SNX19: variants seen among roughly 807,000 people sequenced by gnomAD.
SNX19 encodes sorting nexin-19.
Under a neutral mutation model 85.2 loss-of-function variants are expected in SNX19, and 60 were observed. The observed-to-expected ratio is 0.70, with a 90% CI of 0.57 to 0.87. The LOEUF (loss-of-function observed/expected upper bound fraction) is 0.87. Ranked by LOEUF, SNX19 falls within the 40% of genes least tolerant of loss-of-function variation. SNX19 has a pLI of 0.00. For missense variants in SNX19, 1,201 were observed against 1,217.8 expected (o/e 0.99, Z 0.21); for synonymous variants, 520 against 470.0 (o/e 1.11, Z -1.38).
rs1203737305 is a variant in SNX19, at chr11:130,869,571, C to A, written c.*8851G>T. The A allele has an allele frequency of 3.9e-5, 6 of 152,148 alleles. No individual in the cohort carries two copies. The highest frequency in any genetic ancestry group is 5.9e-5 in the Non-Finnish European group (4 of 68,022). The allele number at this position is 152,148 out of a possible 1,614,324, so 9.4% of individuals were successfully genotyped here. On this transcript the variant is annotated 3_prime_UTR_variant, in exon 11 of 11. Transcript: ENST00000265909. ...AACAGATTTTCCACAGAAAGCTCAA[C>A]AAGTCACTAAACTTTCTGAGTCTCA...
intron 8 of SNX19, among the ~76,000 whole-genome samples, chr11:130,886,378 T>C (rs1944070407): frequency 6.6e-6 from 1 of 152,178 alleles, no homozygotes; most frequent in East Asian, 1.9e-4. Context: ...CAACGTACAA[T>C]GCATTTTTTA....
At chr11:130,889,355 C>G (rs1041716469) in intron 8 of SNX19, among the ~76,000 whole-genome samples, 4 of 152,056 alleles carry the variant, frequency 2.6e-5, no homozygotes, top group Non-Finnish European at 4.4e-5. Flanking sequence ...TTCATTTACT[C>G]AAAGCATTGG....
chr11:130,901,322 T>C (rs1268398158), intron 8 of SNX19, among the ~76,000 whole-genome samples: 1 of 152,068 alleles, frequency 6.6e-6, no homozygotes. Context: ...AGTATTATTA[T>C]CAAAACTTTG....
chr11:130,903,687 GTATA>G (rs2135381707), intron 7 of SNX19, among the ~76,000 whole-genome samples: 2 of 143,326 alleles, frequency 1.4e-5, no homozygotes, highest in Non-Finnish European at 3.0e-5. Context: ...ATATATGTGT[GTATA>G]TATACATATA....
At position 130,875,945 on chromosome 11, in the gene SNX19, CTG is replaced by C. The variant is rs1169894921; in HGVS notation, c.*2475_*2476del. 5 of 152,088 alleles carry C rather than the reference CTG, an allele frequency of 3.3e-5. No individual in the cohort carries two copies. The highest frequency in any genetic ancestry group is 2.1e-4 in the South Asian group (1 of 4,828). The allele number at this position is 152,088 out of a possible 1,614,324, so 9.4% of individuals were successfully genotyped here. ...CTAATCCAACAATGCAAAAATGAAA[CTG>C]TGAGTTATATGTGATGAAAAAGTAT... On this transcript the variant is annotated 3_prime_UTR_variant, in exon 11 of 11. Transcript: ENST00000265909.
At chr11:130,913,367 T>A (rs912534622) in intron 1 of SNX19, among the ~76,000 whole-genome samples, 2 of 152,238 alleles carry the variant, frequency 1.3e-5, no homozygotes, top group Non-Finnish European at 2.9e-5. Context: ...TTGCCTATAA[T>A]GAGTGTGTGT....
chr11:130,911,906 A>T lies in SNX19; in HGVS notation c.1675-135T>A, dbSNP rs1946160515. Reference sequence around the variant, plus strand: ...GAACAAAGGGAGGGAGTATGTTCCTATTCTGTTCCAGAACCTCCTATATCT... The same window carrying T: ...GAACAAAGGGAGGGAGTATGTTCCTTTTCTGTTCCAGAACCTCCTATATCT... On this transcript the variant is annotated intron_variant, in intron 1 of 10. Coordinates refer to ENST00000265909, the MANE Select transcript of SNX19 (RefSeq NM_014758.3). The T allele has an allele frequency of 7.2e-6, 6 of 830,980 alleles. No homozygotes were observed. The East Asian group carries it at 1.6e-4, about 22-fold the overall frequency. 51.5% of individuals were successfully genotyped at this position (830,980 alleles called of 1,614,324 possible).
intron 6 of SNX19, 35 bp downstream of exon 6, chr11:130,906,590 T>C (rs1945688759): frequency 6.2e-6 from 9 of 1,445,670 alleles, no homozygotes; most frequent in Non-Finnish European, 1.9e-6. Flanking sequence ...ATCTCAGATA[T>C]TTTTGCCTCA....
intron 8 of SNX19, among the ~76,000 whole-genome samples, chr11:130,889,550 C>G (rs570864752): frequency 1.3e-5 from 2 of 151,812 alleles, no homozygotes; most frequent in Non-Finnish European, 2.9e-5. Flanking sequence ...TACCTTCAGG[C>G]GTGAATTTTA....
At chr11:130,910,167 A>G (rs781562088) in intron 3 of SNX19, 30 bp from the exon 4 acceptor site, 4 of 1,613,990 alleles carry the variant, frequency 2.5e-6, no homozygotes, top group East Asian at 2.2e-5. Context: ...ACACATTTTA[A>G]AGAGAAATTC....
At chr11:130,908,184 GA>G (rs1439077876) in intron 4 of SNX19, 101 bp from the exon 5 acceptor site, 8 of 1,380,300 alleles carry the variant, frequency 5.8e-6, no homozygotes, top group Non-Finnish European at 7.9e-6. Flanking sequence ...AGGACAAGGA[GA>G]GGGGCCAGGC....
At chr11:130,893,666 G>T (rs890520014) in intron 8 of SNX19, 19 of 628,948 alleles carry the variant, frequency 3.0e-5, no homozygotes, top group Non-Finnish European at 5.4e-5. Context: ...TGGGAGCACT[G>T]ACTATGGGTA....
chr11:130,879,190 A>G (rs1031447951), intron 10 of SNX19, among the ~76,000 whole-genome samples: 16 of 152,236 alleles, frequency 1.1e-4, no homozygotes, highest in African/African-American at 3.4e-4. Flanking sequence ...CAGCTTTGCT[A>G]TAAGGCCAGG....
intron 8 of SNX19, among the ~76,000 whole-genome samples, chr11:130,881,503 C>T (rs1943670694): frequency 6.6e-6 from 1 of 152,200 alleles, no homozygotes; most frequent in Non-Finnish European, 1.5e-5. Flanking sequence ...TGATGGGAAG[C>T]ATTATAACCT....
Position 130,906,108 on chromosome 11 carries a change from G to A in SNX19, c.2288C>T (p.Ala763Val), listed in dbSNP as rs576402537. Residue 763 changes from alanine (A) to valine (V), a missense_variant, in exon 7 of 11, where the codon GCG (alanine) becomes GTG (valine). Transcript: ENST00000265909. ...CTGTTTTTCAATAAAAGATTCCATC[G>A]CAGACATGGATAGAGTCTCAGACTC... ...NVESETLSMS[A>V]MESFIEKQTK... 10 of 1,613,804 alleles carry A rather than the reference G, an allele frequency of 6.2e-6. No homozygotes were observed. Among genetic ancestry groups the A allele is most frequent in the African/African-American group, 5.3e-5 (4 of 74,862 alleles).
intron 8 of SNX19, among the ~76,000 whole-genome samples, chr11:130,885,563 T>C (rs994273187): frequency 1.3e-5 from 2 of 152,216 alleles, no homozygotes; most frequent in Non-Finnish European, 2.9e-5. Context: ...GAAAGGGTCT[T>C]GAATCAGTAT....
At position 130,877,359 on chromosome 11, in the gene SNX19, T is replaced by G. The variant is rs955264891; in HGVS notation, c.*1063A>C. The G allele has an allele frequency of 2.0e-5, 3 of 152,242 alleles. No individual in the cohort carries two copies. Among genetic ancestry groups the G allele is most frequent in the African/African-American group, 7.2e-5 (3 of 41,464 alleles). The allele number at this position is 152,242 out of a possible 1,614,324, so 9.4% of individuals were successfully genotyped here. On this transcript the variant is annotated 3_prime_UTR_variant, in exon 11 of 11. Transcript: ENST00000265909. ...AACACCTTTGCCTTCATGCTGGTGT[T>G]GTTAAAGGACTGATTATAACCGTAA...
chr11:130,896,962 G>A (rs915580706), intron 8 of SNX19, among the ~76,000 whole-genome samples: 6 of 151,876 alleles, frequency 4.0e-5, no homozygotes, highest in Admixed American at 6.6e-5. Context: ...ATTCTGGAGC[G>A]TTCTAAGAGA....
chr11:130,909,631 C>T (rs1015840460), intron 4 of SNX19, among the ~76,000 whole-genome samples: 1 of 152,200 alleles, frequency 6.6e-6, no homozygotes, highest in African/African-American at 2.4e-5. Context: ...TCGTCTTAGG[C>T]TCTCTTTCCT....
Sources: allele counts gnomAD v4.1 joint callset (sites outside exome capture counted in the v4.1 genomes callset), GRCh38; gene constraint gnomAD v4.1.1; transcripts MANE v1.5; gene names NCBI Gene and HGNC (gene_info 2026-07-23, HGNC 2026-07-21).